Variants in TBC1D30 observed in about 807,000 individuals in gnomAD.
The protein encoded by TBC1D30 is TBC1 domain family member 30, also known as TBC1 domain family, member 30.
Under a neutral mutation model 63.2 loss-of-function variants are expected in TBC1D30, and 31 were observed. The ratio of observed to expected loss-of-function variants is 0.49; its 90% CI spans 0.37 to 0.66. TBC1D30 has a LOEUF of 0.66. Among genes scored for constraint, TBC1D30 ranks in the 30% least tolerant of loss-of-function variants. The pLI is 0.00. For missense variants in TBC1D30, 810 were observed against 953.6 expected, an observed-to-expected ratio of 0.85 and a Z score of 1.98; for synonymous variants, 307 against 361.5, an observed-to-expected ratio of 0.85 and a Z score of 1.71.
intron 2 of TBC1D30, among the ~76,000 whole-genome samples, chr12:64,806,489 G>A (rs562492568): frequency 1.8e-4 from 27 of 152,260 alleles, no homozygotes; most frequent in Non-Finnish European, 3.7e-4. Flanking sequence ...ACATCCATTA[G>A]GAGCTCTGTT....
rs895533588 is a variant in TBC1D30 at position 64,875,398 on chromosome 12, G to A, written c.1896G>A (p.Thr632=). 6.5e-6 allele frequency: 10 copies of A among 1,536,108 alleles called. No homozygotes were observed. The highest frequency in any genetic ancestry group is 7.8e-6 in the Non-Finnish European group (9 of 1,146,942). Residue 632 remains threonine, a synonymous_variant, in exon 12 of 12, where the codon ACG becomes ACA. Coordinates refer to ENST00000539867, the MANE Select transcript of TBC1D30 (RefSeq NM_015279.2). ...GCCCTGAAGGCAGTACCAGGAGGACGATCGAGGGGCAGTCTCCGGAGCCGG... is the reference window on the plus strand; with the variant it reads ...GCCCTGAAGGCAGTACCAGGAGGACAATCGAGGGGCAGTCTCCGGAGCCGG... ...GSSPEGSTRR[T]IEGQSPEPVF... is the part of the protein sequence containing the mutation.
chr12:64,872,964 C>T lies in TBC1D30; in HGVS notation c.1499-2037C>T, dbSNP rs1372503733. 3.3e-5 allele frequency among the ~76,000 whole-genome samples: 5 copies of T among 152,072 alleles called. No individual in the cohort carries two copies. In the South Asian group the frequency reaches 6.2e-4, roughly 19 times the overall value. ...CTCTTACTGGGTCCCTCCTACAACACGTGGGAATTATGGGAGCTACAAGAT... is the reference window on the plus strand; with the variant it reads ...CTCTTACTGGGTCCCTCCTACAACATGTGGGAATTATGGGAGCTACAAGAT... On this transcript the variant is annotated intron_variant, in intron 11 of 11. Transcript: ENST00000539867.
intron 1 of TBC1D30, among the ~76,000 whole-genome samples, chr12:64,760,066 C>T (rs1185124205): frequency 6.6e-6 from 1 of 152,220 alleles, no homozygotes; most frequent in Non-Finnish European, 1.5e-5. Flanking sequence ...GATGTCCTGA[C>T]AGCTTTATCC....
In TBC1D30 at chr12:64,877,198, TTGGC is replaced by T. The variant is rs1414031986; in HGVS notation, c.*1413_*1416del. Reference sequence around the variant, plus strand: ...TAAAAATGCTTCATGCACCTGTTATTTGGCTGAACAGAAGGCTCACTCCTCAATC... The same window carrying T: ...TAAAAATGCTTCATGCACCTGTTATTTGAACAGAAGGCTCACTCCTCAATC... On this transcript the variant is annotated 3_prime_UTR_variant, in exon 12 of 12. Coordinates refer to ENST00000539867, the MANE Select transcript of TBC1D30 (RefSeq NM_015279.2). 4.6e-6 allele frequency: 1 copy of T among 219,598 alleles called. No individual in the cohort carries two copies. The highest frequency in any genetic ancestry group is 9.3e-6 in the Non-Finnish European group (1 of 107,846). The allele number at this position is 219,598 out of a possible 1,614,324, so 13.6% of individuals were successfully genotyped here. A position where few individuals can be genotyped will look rare whatever the true frequency, so the allele number is the denominator to read the frequency against.
At chr12:64,767,801 A>AGG (rs370060179) in intron 1 of TBC1D30, among the ~76,000 whole-genome samples, 2 of 70,392 alleles carry the variant, frequency 2.8e-5, no homozygotes, top group Non-Finnish European at 5.6e-5. Flanking sequence ...GGGGGGGGGG[A>AGG]GGGGGGGGAG....
At chr12:64,831,378 G>A (rs1186709427) in intron 4 of TBC1D30, among the ~76,000 whole-genome samples, 1 of 152,184 alleles carries the variant, frequency 6.6e-6, no homozygotes, top group Non-Finnish European at 1.5e-5. Context: ...GTTTCGCAGA[G>A]ATGAAGTATC....
In TBC1D30 at chr12:64,880,116, A is replaced by G. The variant is rs948921994; in HGVS notation, c.*4328A>G. ...CTGTTATCCACATCAGGCAGCTCAG[A>G]GTAAAGTCAGCAAGTCTACAGTCAT... On this transcript the variant is annotated 3_prime_UTR_variant, in exon 12 of 12. Coordinates refer to ENST00000539867, the MANE Select transcript of TBC1D30 (RefSeq NM_015279.2). 6.6e-6 allele frequency: 1 copy of G among 152,226 alleles called. No homozygotes were observed. Among genetic ancestry groups the G allele is most frequent in the African/African-American group, 2.4e-5 (1 of 41,466 alleles). 9.4% of individuals were successfully genotyped at this position (152,226 alleles called of 1,614,324 possible). A position where few individuals can be genotyped will look rare whatever the true frequency, so the allele number is the denominator to read the frequency against.
intron 1 of TBC1D30, among the ~76,000 whole-genome samples, chr12:64,781,757 CTA>C (rs1871308757): frequency 6.6e-6 from 1 of 151,128 alleles, no homozygotes; most frequent in Admixed American, 6.6e-5. Flanking sequence ...TAGTGTTTAA[CTA>C]GTGAGGCAGA....
chr12:64,830,820 C>G (rs564851765), intron 4 of TBC1D30, among the ~76,000 whole-genome samples: 2 of 152,300 alleles, frequency 1.3e-5, no homozygotes, highest in African/African-American at 4.8e-5. Flanking sequence ...ATAAAAGTCA[C>G]TGATTGAAAA....
chr12:64,871,214 G>A (rs1418064054), intron 11 of TBC1D30, among the ~76,000 whole-genome samples: 2 of 152,112 alleles, frequency 1.3e-5, no homozygotes, highest in African/African-American at 4.8e-5. Context: ...TCATTTAGGT[G>A]ATATTATAAC....
At position 64,797,484 on chromosome 12, in the gene TBC1D30, C is replaced by T. The variant is rs113273239; in HGVS notation, c.643+11439C>T. On this transcript the variant is annotated intron_variant, in intron 2 of 12. Transcript: ENST00000542120. ...GCAAAACCCCAAGCCTGATTAAACT[C>T]AAGTCTCTGCACATTCTGTCTCTGC... is the stretch of plus-strand genomic sequence containing the variant. 2.1e-4 allele frequency among the ~76,000 whole-genome samples: 32 copies of T among 152,298 alleles called. 2 individuals are homozygous for T. Among genetic ancestry groups the T allele is most frequent in the African/African-American group, 7.0e-4 (29 of 41,554 alleles).
intron 2 of TBC1D30, among the ~76,000 whole-genome samples, chr12:64,814,472 A>G (rs1873406488): frequency 6.6e-6 from 1 of 152,214 alleles, no homozygotes; most frequent in Non-Finnish European, 1.5e-5. Flanking sequence ...GTGCTAAAAA[A>G]CTACTTTGAA....
chr12:64,783,065 A>G (rs542904404), intron 1 of TBC1D30, among the ~76,000 whole-genome samples: 8 of 152,314 alleles, frequency 5.3e-5, no homozygotes, highest in Admixed American at 2.6e-4. Flanking sequence ...TCCCCCCAAT[A>G]TAACTACTCT....
intron 1 of TBC1D30, among the ~76,000 whole-genome samples, chr12:64,772,296 G>A (rs1321670269): frequency 2.0e-5 from 3 of 150,734 alleles, no homozygotes; most frequent in Admixed American, 6.6e-5. Flanking sequence ...TGTATCACAT[G>A]CTTATGCCCA....
At chr12:64,780,393 A>C (rs1871204104), upstream of TBC1D30, among the ~76,000 whole-genome samples, 1 of 152,236 alleles carries the variant, frequency 6.6e-6, no homozygotes, top group Non-Finnish European at 1.5e-5. Context: ...GCTGAATAAG[A>C]GGCAAGAGTC....
intron 1 of TBC1D30, among the ~76,000 whole-genome samples, chr12:64,772,707 C>T (rs1399103521): frequency 3.3e-5 from 5 of 152,124 alleles, no homozygotes; most frequent in African/African-American, 4.8e-5. Flanking sequence ...GGATTACAGG[C>T]GTGAGCCACT....
At chr12:64,810,258 C>T (rs1415088268) in intron 2 of TBC1D30, among the ~76,000 whole-genome samples, 1 of 152,184 alleles carries the variant, frequency 6.6e-6, no homozygotes, top group Non-Finnish European at 1.5e-5. Flanking sequence ...TTGGGCCATT[C>T]TCCTTCTCCA....
In TBC1D30 at chr12:64,800,582, G is replaced by C. The variant is rs542896062; in HGVS notation, c.643+14537G>C. 4.6e-5 allele frequency among the ~76,000 whole-genome samples: 7 copies of C among 152,216 alleles called. No individual in the cohort carries two copies. The South Asian group carries it at 1.5e-3, about 32-fold the overall frequency. ...GAAGAGGAGGAATCTGGGTGGATGT[G>C]AGGGCTTGAGTAAGATGTGGGAGGC... is the stretch of plus-strand genomic sequence containing the variant. On this transcript the variant is annotated intron_variant, in intron 2 of 12. Coordinates refer to the TBC1D30 transcript ENST00000542120.
At position 64,879,737 on chromosome 12, in the gene TBC1D30, C is replaced by T. The variant is rs1879337078; in HGVS notation, c.*3949C>T. The T allele has an allele frequency of 6.6e-6, 1 of 152,154 alleles. No individual in the cohort carries two copies. The highest frequency in any genetic ancestry group is 1.5e-5 in the Non-Finnish European group (1 of 68,024). The allele number at this position is 152,154 out of a possible 1,614,324, so 9.4% of individuals were successfully genotyped here. ...TGCCTATTATTAGGTTAAGAAAATTCCCTTTTATTCTTTGCTTGCTAAGAG... is the reference window on the plus strand; with the variant it reads ...TGCCTATTATTAGGTTAAGAAAATTTCCTTTTATTCTTTGCTTGCTAAGAG... On this transcript the variant is annotated 3_prime_UTR_variant, in exon 12 of 12. Transcript: ENST00000539867.
Sources: allele counts gnomAD v4.1 joint callset (sites outside exome capture counted in the v4.1 genomes callset), GRCh38; gene constraint gnomAD v4.1.1; transcripts MANE v1.5; gene names NCBI Gene and HGNC (gene_info 2026-07-23, HGNC 2026-07-21).